Variants in PPFIA2 observed in about 807,000 individuals in gnomAD.
The protein encoded by PPFIA2 is liprin-alpha-2.
Under a neutral mutation model 175.5 loss-of-function variants are expected in PPFIA2, and 46 were observed. The observed-to-expected ratio is 0.26, with a 90% CI of 0.21 to 0.34. The LOEUF (loss-of-function observed/expected upper bound fraction) is 0.34, where lower values mean the gene tolerates loss of function less well. Ranked by LOEUF, PPFIA2 falls within the 10% of genes least tolerant of loss-of-function variation. The pLI, the probability that PPFIA2 is intolerant of heterozygous loss-of-function variation, is 1.00. For synonymous variants in PPFIA2, 568 were observed against 511.4 expected (o/e 1.11, Z -1.49); for missense variants, 1,179 against 1,506.1 (o/e 0.78, Z 3.60).
chr12:81,414,793 A>G (rs2044634403), intron 7 of PPFIA2, among the ~76,000 whole-genome samples: 1 of 151,616 alleles, frequency 6.6e-6, no homozygotes, highest in Non-Finnish European at 1.5e-5. Flanking sequence ...GTAAAACAGT[A>G]GGGATTTACA....
At chr12:81,274,478 A>G (rs772283235) in intron 28 of PPFIA2, among the ~76,000 whole-genome samples, 3 of 152,140 alleles carry the variant, frequency 2.0e-5, no homozygotes, top group Non-Finnish European at 2.9e-5. Flanking sequence ...CAAATAAAGC[A>G]TTAATTCAAA....
intron 3 of PPFIA2, among the ~76,000 whole-genome samples, chr12:81,747,271 A>G (rs1158923038): frequency 6.9e-6 from 1 of 144,384 alleles, no homozygotes; most frequent in Non-Finnish European, 1.6e-5. Flanking sequence ...ACAAAAAACA[A>G]AGGAGCTAAA....
intron 3 of PPFIA2, among the ~76,000 whole-genome samples, chr12:81,710,341 C>T (rs1281141754): frequency 6.6e-6 from 1 of 151,722 alleles, no homozygotes; most frequent in Non-Finnish European, 1.5e-5. Flanking sequence ...CAATGTACAT[C>T]TAATACTTAT....
intron 16 of PPFIA2, among the ~76,000 whole-genome samples, chr12:81,354,014 T>A (rs1343472078): frequency 6.6e-6 from 1 of 152,184 alleles, no homozygotes; most frequent in Admixed American, 6.6e-5. Flanking sequence ...AAAATGAACA[T>A]ACCTTCATTA....
intron 4 of PPFIA2, among the ~76,000 whole-genome samples, chr12:81,551,619 A>G (rs1023947560): frequency 1.9e-4 from 29 of 152,024 alleles, no homozygotes; most frequent in African/African-American, 7.0e-4. Context: ...GGGTGAAATA[A>G]ACCCCCCATG....
intron 3 of PPFIA2, among the ~76,000 whole-genome samples, chr12:81,745,946 A>ATGGAT (rs1555660624): frequency 1.6e-4 from 23 of 146,334 alleles, no homozygotes; most frequent in South Asian, 4.4e-4. Context: ...CAACAAACAA[A>ATGGAT]CAGCTTTCCA....
intron 21 of PPFIA2, 59 bp from the exon 22 acceptor site, chr12:81,325,929 A>T (rs1216539468): frequency 7.7e-7 from 1 of 1,292,614 alleles, no homozygotes; most frequent in Non-Finnish European, 1.1e-6. Flanking sequence ...TCAATTCTGA[A>T]GTCAGGTTGT....
intron 4 of PPFIA2, among the ~76,000 whole-genome samples, chr12:81,475,781 C>T (rs1048192460): frequency 6.6e-6 from 1 of 152,158 alleles, no homozygotes; most frequent in Non-Finnish European, 1.5e-5. Context: ...GGCGCGATCT[C>T]GGCTCACTGC....
chr12:81,508,884 G>A (rs867279287), intron 4 of PPFIA2, among the ~76,000 whole-genome samples: 3 of 151,144 alleles, frequency 2.0e-5, no homozygotes, highest in East Asian at 2.0e-4. Context: ...TTGTTCTTGC[G>A]ATAGTTTACA....
intron 4 of PPFIA2, among the ~76,000 whole-genome samples, chr12:81,647,074 G>T (rs922534649): frequency 7.0e-6 from 1 of 143,072 alleles, no homozygotes; most frequent in Non-Finnish European, 1.5e-5. Context: ...AAGGGGGGGG[G>T]AGCGTGTATA....
chr12:81,462,236 T>C lies in PPFIA2; in HGVS notation c.304-4370A>G, dbSNP rs1385209481. Among the ~76,000 whole-genome samples, 4 of 143,678 alleles carry C rather than the reference T, an allele frequency of 2.8e-5. No homozygotes were observed. In the East Asian group the frequency reaches 8.3e-4, roughly 30 times the overall value. The allele number at this position is 143,678 out of a possible 152,430, so 94.3% of individuals were successfully genotyped here. ...ATTCTACACGGCAATGACATTATTG[T>C]CTGCCATGCTTTTCTAACATATATA... On this transcript the variant is annotated intron_variant, in intron 4 of 32. Transcript: ENST00000549396.
intron 4 of PPFIA2, among the ~76,000 whole-genome samples, chr12:81,664,154 A>G (rs568860430): frequency 3.3e-5 from 5 of 152,328 alleles, no homozygotes; most frequent in African/African-American, 1.2e-4. Flanking sequence ...CTAAAACACC[A>G]AAAGCAATGG....
At chr12:81,639,547 A>ATAT (rs1555546664) in intron 4 of PPFIA2, among the ~76,000 whole-genome samples, 2 of 151,292 alleles carry the variant, frequency 1.3e-5, no homozygotes, top group Non-Finnish European at 3.0e-5. Context: ...CGGTAAAAAA[A>ATAT]ATATATATAT....
At chr12:81,307,472 A>T in intron 22 of PPFIA2, among the ~76,000 whole-genome samples, 1 of 152,202 alleles carries the variant, frequency 6.6e-6, no homozygotes, top group East Asian at 1.9e-4. Context: ...CATCTCAAAA[A>T]GAAATAAGAA....
intron 7 of PPFIA2, among the ~76,000 whole-genome samples, chr12:81,410,814 T>C (rs996824844): frequency 6.6e-5 from 10 of 152,042 alleles, no homozygotes; most frequent in Admixed American, 6.6e-4. Flanking sequence ...ATTCTCTCTA[T>C]CTACTAAGGA....
At chr12:81,426,337 T>G (rs1377734153) in intron 7 of PPFIA2, among the ~76,000 whole-genome samples, 1 of 152,196 alleles carries the variant, frequency 6.6e-6, no homozygotes, top group East Asian at 1.9e-4. Context: ...CTGATTTTGA[T>G]CTGTAACCTT....
chr12:81,724,986 C>A (rs897186147), intron 3 of PPFIA2, among the ~76,000 whole-genome samples: 1 of 150,936 alleles, frequency 6.6e-6, no homozygotes, highest in Non-Finnish European at 1.5e-5. Flanking sequence ...CCCTCATCAG[C>A]GTCTGTTATT....
intron 27 of PPFIA2, among the ~76,000 whole-genome samples, chr12:81,278,907 G>T (rs542334337): frequency 6.6e-6 from 1 of 152,054 alleles, no homozygotes; most frequent in Non-Finnish European, 1.5e-5. Flanking sequence ...TCTAAGCCCC[G>T]CATTTTAATA....
chr12:81,432,707 T>G (rs981309469), intron 7 of PPFIA2, among the ~76,000 whole-genome samples: 4 of 152,024 alleles, frequency 2.6e-5, no homozygotes, highest in Admixed American at 6.6e-5. Flanking sequence ...TCCACCCACC[T>G]CGGCCTCCCA....
Sources: allele counts gnomAD v4.1 joint callset (sites outside exome capture counted in the v4.1 genomes callset), GRCh38; gene constraint gnomAD v4.1.1; transcripts MANE v1.5; gene names NCBI Gene and HGNC (gene_info 2026-07-23, HGNC 2026-07-21).